SLC8A3: variants seen among roughly 807,000 people sequenced by gnomAD.
The protein encoded by SLC8A3 is solute carrier family 8 member A3, also known as sodium/calcium exchanger 3.
In SLC8A3, 37 loss-of-function variants were observed where a neutral mutation model predicts 65.4. The ratio of observed to expected loss-of-function variants is 0.57; its 90% confidence interval spans 0.44 to 0.74. The LOEUF is 0.74. Ranked by LOEUF, SLC8A3 falls within the 30% of genes least tolerant of loss-of-function variation. SLC8A3 has a pLI of 0.00. For missense variants in SLC8A3, 1,112 were observed against 1,172.1 expected (o/e 0.95, Z 0.75); for synonymous variants, 461 against 444.5 (o/e 1.04, Z -0.47).
At chr14:70,099,921 T>C (rs1026197567) in intron 2 of SLC8A3, among the ~76,000 whole-genome samples, 4 of 152,192 alleles carry the variant, frequency 2.6e-5, no homozygotes, top group African/African-American at 7.2e-5. Context: ...GTCTGGTCCA[T>C]TATGCACGAG....
chr14:70,149,922 G>A (rs1439966529), intron 2 of SLC8A3, among the ~76,000 whole-genome samples: 2 of 152,178 alleles, frequency 1.3e-5, no homozygotes, highest in South Asian at 2.1e-4. Context: ...GGAGCAGCCT[G>A]TCATGTTCCC....
chr14:70,098,001 C>T (rs1892302608), intron 2 of SLC8A3, among the ~76,000 whole-genome samples: 2 of 152,198 alleles, frequency 1.3e-5, no homozygotes, highest in South Asian at 4.1e-4. Context: ...CTGTCTTCTT[C>T]TCTGCCACTA....
chr14:70,138,260 A>G (rs1895346453), intron 2 of SLC8A3, among the ~76,000 whole-genome samples: 1 of 152,148 alleles, frequency 6.6e-6, no homozygotes, highest in South Asian at 2.1e-4. Context: ...GGGACTTTCG[A>G]TAACTAGAAT....
At chr14:70,143,796 C>T (rs895875480) in intron 2 of SLC8A3, among the ~76,000 whole-genome samples, 1 of 152,148 alleles carries the variant, frequency 6.6e-6, no homozygotes, top group South Asian at 2.1e-4. Flanking sequence ...CCCCTCTCTT[C>T]CCCCCAGAGA....
At chr14:70,067,069 C>T (rs189157717) in intron 2 of SLC8A3, among the ~76,000 whole-genome samples, 95 of 152,264 alleles carry the variant, frequency 6.2e-4, no homozygotes, top group Admixed American at 1.4e-3. Flanking sequence ...CCTCAGACCT[C>T]GTTCATAACG....
intron 2 of SLC8A3, among the ~76,000 whole-genome samples, chr14:70,129,370 G>A (rs1168269832): frequency 1.3e-5 from 2 of 152,158 alleles, no homozygotes; most frequent in African/African-American, 4.8e-5. Context: ...TACCATTATG[G>A]TAGTAGCTAC....
rs1380083663 is a variant in SLC8A3, at chr14:70,185,457, G to C, written c.-63+2922C>G. Among the ~76,000 whole-genome samples, 7 of 152,328 alleles carry C rather than the reference G, an allele frequency of 4.6e-5. No individual in the cohort carries two copies. In the East Asian group the frequency reaches 1.4e-3, roughly 29 times the overall value. On this transcript the variant is annotated intron_variant, in intron 1 of 6. Transcript: ENST00000356921. ...GAGGAACCATCCTGCACAGGCAAAG[G>C]GCAGGGCCAGGGCAAGAGGACAACC...
At chr14:70,113,518 C>A (rs1318431953) in intron 2 of SLC8A3, among the ~76,000 whole-genome samples, 4 of 152,198 alleles carry the variant, frequency 2.6e-5, no homozygotes, top group African/African-American at 9.7e-5. Flanking sequence ...ATGGCATTTG[C>A]CAAGTGTATT....
At chr14:70,073,453 C>T (rs553033894) in intron 2 of SLC8A3, among the ~76,000 whole-genome samples, 8 of 152,180 alleles carry the variant, frequency 5.3e-5, no homozygotes, top group Non-Finnish European at 1.2e-4. Flanking sequence ...CTCCAATTCT[C>T]TCTTTTTTCT....
intron 2 of SLC8A3, among the ~76,000 whole-genome samples, chr14:70,112,393 C>T (rs559093771): frequency 3.3e-5 from 5 of 152,094 alleles, no homozygotes; most frequent in African/African-American, 7.2e-5. Flanking sequence ...ATTGAGGGGA[C>T]GTACTAGGCA....
intron 1 of SLC8A3, among the ~76,000 whole-genome samples, chr14:70,178,039 A>C (rs1248512790): frequency 6.6e-6 from 1 of 152,178 alleles, no homozygotes; most frequent in Admixed American, 6.5e-5. Context: ...AGACCAATAG[A>C]AACAGAAGAT....
chr14:70,154,026 A>G lies in SLC8A3; in HGVS notation c.1784+12613T>C, dbSNP rs556594481. 5.3e-5 allele frequency among the ~76,000 whole-genome samples: 8 copies of G among 152,338 alleles called. 1 individual carries two copies. The South Asian group carries it at 1.7e-3, about 32-fold the overall frequency. On this transcript the variant is annotated intron_variant, in intron 2 of 6. Coordinates refer to ENST00000356921, the MANE Select transcript of SLC8A3 (RefSeq NM_182932.3). ...TGAGGGTGGGTTGGAGCCAGCAGTC[A>G]AGGATGGTGAATCCAGATTTCTGAG...
At chr14:70,133,110 A>C (rs971511150) in intron 2 of SLC8A3, among the ~76,000 whole-genome samples, 6 of 151,734 alleles carry the variant, frequency 4.0e-5, no homozygotes, top group African/African-American at 1.5e-4. Flanking sequence ...ATTTAAAGTA[A>C]AGGAGTACTT....
chr14:70,055,739 C>A (rs1268977074), intron 3 of SLC8A3: 1 of 1,522,498 alleles, frequency 6.6e-7, no homozygotes, highest in South Asian at 1.2e-5. Flanking sequence ...GGTCTTAAAC[C>A]AAATAATGGC....
rs745512049 is a variant in SLC8A3 at position 70,166,847 on chromosome 14, C to G, written c.1576G>C (p.Asp526His). The change falls in exon 2 of 7, where the codon GAT becomes CAT. Residue 526 changes from aspartate (D) to histidine (H), a missense_variant. By Grantham distance (81) the Asp-to-His change is moderately conservative. Transcript: ENST00000356921. ...AAAGTGAAGATGCCTGCATGGTCAT[C>G]ATCCAAGATGGTAACTGTGGCCACA... is the stretch of plus-strand genomic sequence containing the variant. ...PCVATVTILD[D>H]DHAGIFTFEC... 1 of 1,614,168 alleles carries G rather than the reference C, an allele frequency of 6.2e-7. No homozygotes were observed. The highest frequency in any genetic ancestry group is 8.5e-7 in the Non-Finnish European group (1 of 1,180,000).
chr14:70,051,030 C>T lies in SLC8A3; in HGVS notation c.2091G>A (p.Met697Ile). 1 of 1,612,858 alleles carries T rather than the reference C, an allele frequency of 6.2e-7. No homozygotes were observed. Among genetic ancestry groups the T allele is most frequent in the Non-Finnish European group, 8.5e-7 (1 of 1,178,924 alleles). ...VGTHSWRDQF[M>I]EAITVSAAGD... ...CACCTGCACTGACGGTGATGGCCTC[C>T]ATGAACTGGTCCCTCCAGGAATGGG... Residue 697 changes from methionine (M) to isoleucine (I), a missense_variant, in exon 5 of 7, where the codon ATG (methionine) becomes ATA (isoleucine). Met to Ile is a conservative substitution (Grantham distance 10, BLOSUM62 1). Coordinates refer to ENST00000356921, the MANE Select transcript of SLC8A3 (RefSeq NM_182932.3).
Position 70,046,202 on chromosome 14 carries a change from G to A in SLC8A3, c.2511C>T (p.Ala837=), listed in dbSNP as rs761567314. 9.3e-6 allele frequency: 15 copies of A among 1,614,090 alleles called. No homozygotes were observed. The highest frequency in any genetic ancestry group is 2.2e-5 in the East Asian group (1 of 44,898). Residue 837 remains alanine (A), a synonymous_variant, in exon 7 of 7, where the codon GCC becomes GCT. Coordinates refer to ENST00000356921, the MANE Select transcript of SLC8A3 (RefSeq NM_182932.3). This position sits in a 1 kb window ranked among gnomAD's most constrained non-coding sequence, Gnocchi z 4.2. ...FLGIGLAWSV[A]AIYWALQGQE... ...GTCCCTGCAGAGCCCAGTAGATGGC[G>A]GCCACGGACCAGGCCAGGCCGATGC...
At chr14:70,145,266 C>T (rs958941328) in intron 2 of SLC8A3, among the ~76,000 whole-genome samples, 1 of 152,022 alleles carries the variant, frequency 6.6e-6, no homozygotes, top group African/African-American at 2.4e-5. Flanking sequence ...GGGAAGAATC[C>T]CTCACCTACT....
intron 2 of SLC8A3, among the ~76,000 whole-genome samples, chr14:70,128,662 T>C (rs1210847432): frequency 2.0e-5 from 3 of 152,326 alleles, no homozygotes; most frequent in Admixed American, 6.5e-5. Context: ...AGCAAAATTA[T>C]AAAAAACTTG....
Sources: allele counts gnomAD v4.1 joint callset (sites outside exome capture counted in the v4.1 genomes callset), GRCh38; gene constraint gnomAD v4.1.1; non-coding constraint Gnocchi (gnomAD v3.1); transcripts MANE v1.5; gene names NCBI Gene and HGNC (gene_info 2026-07-23, HGNC 2026-07-21).